SAP18: variants seen among roughly 807,000 people sequenced by gnomAD.
SAP18 encodes the protein histone deacetylase complex subunit SAP18.
Under a neutral mutation model 18.6 loss-of-function variants are expected in SAP18, and 4 were observed. The observed-to-expected ratio is 0.21, with a 90% CI of 0.11 to 0.49. SAP18 has a LOEUF of 0.49. Ranked by LOEUF, SAP18 falls within the 20% of genes least tolerant of loss-of-function variation. The pLI, the probability that SAP18 is intolerant of heterozygous loss-of-function variation, is 0.98. For synonymous variants in SAP18, 112 were observed against 82.8 expected, an observed-to-expected ratio of 1.35 and a Z score of -1.92; for missense variants, 170 against 226.4, an observed-to-expected ratio of 0.75 and a Z score of 1.60.
rs375651525 is a variant in SAP18, at chr13:21,140,582, C to G, written c.30C>G (p.Gly10=). The G allele has an allele frequency of 3.7e-6, 6 of 1,605,918 alleles. No individual in the cohort carries two copies. The African/African-American group carries it at 6.7e-5, about 18-fold the overall frequency. ...TCGCTGCAGGGGTCGGAGGTCAGGGCGAGCGTCTCGCAGGCCGTAGGAGGA... is the reference window on the plus strand; with the variant it reads ...TCGCTGCAGGGGTCGGAGGTCAGGGGGAGCGTCTCGCAGGCCGTAGGAGGA... The change falls in exon 1 of 4, where the codon GGC becomes GGG. Residue 10 remains glycine, a synonymous_variant. Coordinates refer to ENST00000621421, the Ensembl canonical transcript of SAP18.
chr13:21,147,067 G>GTTA, intron 3 of SAP18, 119 bp from the exon 4 acceptor site: 1 of 1,434,938 alleles, frequency 7.0e-7, no homozygotes, highest in South Asian at 1.4e-5. Context: ...TAATAAAGTA[G>GTTA]TTAAATTTTG....
intron 2 of SAP18, among the ~76,000 whole-genome samples, chr13:21,142,813 A>G (rs1253935369): frequency 6.6e-6 from 1 of 152,066 alleles, no homozygotes; most frequent in African/African-American, 2.4e-5. Flanking sequence ...TCCTTGGCTC[A>G]AGCAGCTGGG....
At chr13:21,143,196 T>G (rs1231907164) in intron 2 of SAP18, among the ~76,000 whole-genome samples, 1 of 152,228 alleles carries the variant, frequency 6.6e-6, no homozygotes, top group African/African-American at 2.4e-5. Context: ...CAAATGTGTT[T>G]GTGTCGCTGC....
intron 2 of SAP18, among the ~76,000 whole-genome samples, chr13:21,145,608 C>T (rs1030274011): frequency 1.4e-4 from 22 of 152,224 alleles, no homozygotes; most frequent in African/African-American, 5.1e-4. Flanking sequence ...CCAGGTCAAG[C>T]GATTCTCTTG....
upstream of SAP18, chr13:21,140,459 A>G: frequency 7.1e-7 from 1 of 1,399,024 alleles, no homozygotes. Context: ...CTCGCTCACC[A>G]CGCACGGAAG....
Position 21,140,709 on chromosome 13 carries a change from G to C in SAP18, c.129+28G>C, listed in dbSNP as rs372783758. On this transcript the variant is annotated intron_variant, in intron 1 of 3. Coordinates refer to ENST00000621421, the Ensembl canonical transcript of SAP18. Reference sequence around the variant, plus strand: ...GAAGGCCCCCTCCGCTTTGGGGTCCGGGAAGAGGTTGGGGATGAGTCCCGC... The same window carrying C: ...GAAGGCCCCCTCCGCTTTGGGGTCCCGGAAGAGGTTGGGGATGAGTCCCGC... 28 of 1,604,290 alleles carry C rather than the reference G, an allele frequency of 1.7e-5. No homozygotes were observed. In the South Asian group the frequency reaches 2.9e-4, roughly 17 times the overall value.
At position 21,140,997 on chromosome 13, in the gene SAP18, T is replaced by TG; in HGVS notation, c.239+3dup. On this transcript the variant is annotated splice_region_variant and intron_variant, in intron 2 of 3. Transcript: ENST00000621421. ...CAGCGAGTTGCAGATCTACACTTGG[T>TG]GAGGAGGGCGGGGTGGCCTCAGGGA... 6.2e-7 allele frequency: 1 copy of TG among 1,604,312 alleles called. No homozygotes were observed. Among genetic ancestry groups the TG allele is most frequent in the Non-Finnish European group, 8.5e-7 (1 of 1,171,640 alleles).
exon 4 of SAP18, chr13:21,148,124 T>C (rs1200133538): frequency 6.6e-6 from 1 of 152,190 alleles, no homozygotes; most frequent in African/African-American, 2.4e-5. Context: ...GTGTGCTAGG[T>C]AGTGGCGTGC....
At chr13:21,140,710 G>A in intron 1 of SAP18, 29 bp downstream of exon 1, 1 of 1,603,758 alleles carries the variant, frequency 6.2e-7, no homozygotes, top group Non-Finnish European at 8.5e-7. Context: ...TTGGGGTCCG[G>A]GAAGAGGTTG....
Position 21,145,671 on chromosome 13 carries a change from C to T in SAP18, c.240-1134C>T, listed in dbSNP as rs1335600123. Reference sequence around the variant, plus strand: ...TAGGCTACAGATGTGTGCCACAACGCCTGGCTAATTTTTGGATTTTTAGTA... The same window carrying T: ...TAGGCTACAGATGTGTGCCACAACGTCTGGCTAATTTTTGGATTTTTAGTA... On this transcript the variant is annotated intron_variant, in intron 2 of 3. Transcript: ENST00000621421. Among the ~76,000 whole-genome samples the T allele has an allele frequency of 2.0e-5, 3 of 152,102 alleles. No individual in the cohort carries two copies. In the South Asian group the frequency reaches 6.2e-4, roughly 32 times the overall value.
chr13:21,147,272 A>G (rs1869681583), exon 4 of SAP18: 1 of 1,613,978 alleles, frequency 6.2e-7, no homozygotes, highest in African/African-American at 1.3e-5. Context: ...CAGATAGGAG[A>G]TTACTTGGAC....
chr13:21,147,288 A>C lies in SAP18; in HGVS notation c.465A>C (p.Ala155=), dbSNP rs549029909. The C allele has an allele frequency of 1.7e-5, 27 of 1,614,114 alleles. No individual in the cohort carries two copies. The South Asian group carries it at 2.5e-4, about 15-fold the overall frequency. Reference sequence around the variant, plus strand: ...AGATAGGAGATTACTTGGACATAGCAATTACCCCTCCAAATCGGGCACCAC... The same window carrying C: ...AGATAGGAGATTACTTGGACATAGCCATTACCCCTCCAAATCGGGCACCAC... Residue 155 remains alanine, a synonymous_variant, in exon 4 of 4, where the codon GCA becomes GCC. Coordinates refer to ENST00000621421, the Ensembl canonical transcript of SAP18.
intron 2 of SAP18, among the ~76,000 whole-genome samples, chr13:21,144,792 C>T (rs1427546560): frequency 6.6e-6 from 1 of 152,066 alleles, no homozygotes; most frequent in Admixed American, 6.6e-5. Context: ...GAAAGACAGT[C>T]CTTAGAAGGT....
chr13:21,145,845 A>G (rs1430417155), intron 2 of SAP18, among the ~76,000 whole-genome samples: 1 of 152,192 alleles, frequency 6.6e-6, no homozygotes, highest in Non-Finnish European at 1.5e-5. Flanking sequence ...GTTATTTCTA[A>G]GATGCTTATA....
chr13:21,142,411 C>T (rs1032279099), intron 2 of SAP18, among the ~76,000 whole-genome samples: 1 of 151,862 alleles, frequency 6.6e-6, no homozygotes, highest in Non-Finnish European at 1.5e-5. Flanking sequence ...ACTGCAACCT[C>T]TGCCTCCCAG....
In SAP18 at chr13:21,142,141, G is replaced by C. The variant is rs139278113; in HGVS notation, c.239+1146G>C. 8.4e-3 allele frequency among the ~76,000 whole-genome samples: 1,255 copies of C among 149,044 alleles called. 14 individuals are homozygous for C. The highest frequency in any genetic ancestry group is 0.027 in the African/African-American group (1,120 of 40,742). ...GTCTCTACTAAAAATGCAAAAATTA[G>C]CCAGGTGTGGTGGCGCAGAATTGTA... On this transcript the variant is annotated intron_variant, in intron 2 of 3. Transcript: ENST00000621421.
intron 2 of SAP18, among the ~76,000 whole-genome samples, chr13:21,144,534 G>A (rs984395694): frequency 8.6e-5 from 13 of 151,766 alleles, no homozygotes; most frequent in African/African-American, 2.9e-4. Flanking sequence ...GCTGCTCTTA[G>A]GGCCTTTCAA....
At chr13:21,146,669 C>T (rs1367673724) in intron 2 of SAP18, 136 bp from the exon 3 acceptor site, 3 of 619,120 alleles carry the variant, frequency 4.8e-6, no homozygotes, top group Middle Eastern at 4.8e-4. Flanking sequence ...TAAAATTAAT[C>T]TCTAGTATAA....
chr13:21,140,552 C>T (rs1766974627), exon 1 of SAP18: 3 of 1,586,980 alleles, frequency 1.9e-6, no homozygotes, highest in East Asian at 2.3e-5. Flanking sequence ...ACTTAGTGCT[C>T]ATGCTCGCTG....
Sources: gnomAD v4.1 joint callset for allele counts (sites outside exome capture counted in the v4.1 genomes callset) on GRCh38, gnomAD v4.1.1 for gene constraint, MANE v1.5 for transcripts, NCBI Gene and HGNC (gene_info 2026-07-23, HGNC 2026-07-21) for gene names.